CCDC3: variants seen among roughly 807,000 people sequenced by gnomAD.
The protein encoded by CCDC3 is coiled-coil domain containing 3.
In CCDC3, 24 loss-of-function variants were observed where a neutral mutation model predicts 21.4. The observed-to-expected ratio is 1.12, with a 90% CI of 0.81 to 1.58. CCDC3 has a LOEUF of 1.58. Ranked by LOEUF, CCDC3 falls within the 40% of genes most tolerant of loss-of-function variation. The pLI is 0.00. For missense variants in CCDC3, 425 were observed against 360.9 expected, an observed-to-expected ratio of 1.18 and a Z score of -1.44; for synonymous variants, 186 against 166.0, an observed-to-expected ratio of 1.12 and a Z score of -0.93.
intron 2 of CCDC3, among the ~76,000 whole-genome samples, chr10:12,949,956 C>G (rs574137093): frequency 6.6e-6 from 1 of 152,220 alleles, no homozygotes; most frequent in Non-Finnish European, 1.5e-5. Context: ...GTATCCATAT[C>G]TGTGTGCCTA....
chr10:13,001,362 T>C lies in CCDC3; in HGVS notation c.209A>G (p.Gln70Arg). Residue 70 changes from glutamine (Q) to arginine (R), a missense_variant, in exon 1 of 3, where the codon CAG becomes CGG. Physicochemically the swap from Gln to Arg is conservative, Grantham distance 43. Coordinates refer to ENST00000378825, the MANE Select transcript of CCDC3 (RefSeq NM_031455.4). ...NHLPWQYHAG[Q>R]GGLFYSAEVE... ...CTCGGCCGAGTAGAAGAGGCCCCCC[T>C]GGCCGGCGTGGTACTGCCAGGGCAG... The C allele has an allele frequency of 6.3e-7, 1 of 1,595,648 alleles. No individual in the cohort carries two copies. Among genetic ancestry groups the C allele is most frequent in the Non-Finnish European group, 8.5e-7 (1 of 1,172,358 alleles).
At chr10:13,043,582 A>G (rs2131420038) in intron 5 of CCDC3, among the ~76,000 whole-genome samples, 1 of 152,284 alleles carries the variant, frequency 6.6e-6, no homozygotes, top group South Asian at 2.1e-4. Context: ...GGACAGAGTG[A>G]GACTTTGTCT....
chr10:12,933,919 TTC>T (rs1239557551), intron 2 of CCDC3, among the ~76,000 whole-genome samples: 19 of 152,006 alleles, frequency 1.2e-4, no homozygotes, highest in East Asian at 3.9e-4. Context: ...TTTGATTATT[TTC>T]TGTTTTCACT....
At position 12,898,590 on chromosome 10, in the gene CCDC3, G is replaced by A; in HGVS notation, c.639C>T (p.Arg213=). The A allele has an allele frequency of 6.2e-7, 1 of 1,614,234 alleles. No homozygotes were observed. Among genetic ancestry groups the A allele is most frequent in the African/African-American group, 1.3e-5 (1 of 75,066 alleles). Residue 213 remains arginine, a synonymous_variant, in exon 3 of 3, where the codon CGC becomes CGT. Coordinates refer to ENST00000378825, the MANE Select transcript of CCDC3 (RefSeq NM_031455.4). The stretch of plus-strand genomic sequence containing the variant: ...TCACTCGCTCCCGGAGCTGCCGGTT[G>A]CGCTTCTCCAGGGTGGCCACTTTCT... The part of the protein sequence containing the change: ...LQQKVATLEK[R]NRQLRERVKK...
At chr10:13,023,422 T>C (rs190615178) in intron 5 of CCDC3, among the ~76,000 whole-genome samples, 11 of 152,278 alleles carry the variant, frequency 7.2e-5, no homozygotes, top group Admixed American at 7.2e-4. Flanking sequence ...GAAGGTTTTC[T>C]GGGGTTTCAG....
intron 5 of CCDC3, among the ~76,000 whole-genome samples, chr10:13,025,612 C>T (rs865921220): frequency 1.3e-5 from 2 of 152,144 alleles, no homozygotes; most frequent in East Asian, 3.8e-4. Context: ...ACCATCGAAC[C>T]TGTTTTATGT....
intron 2 of CCDC3, among the ~76,000 whole-genome samples, chr10:12,937,559 C>G (rs1315472442): frequency 3.3e-5 from 5 of 152,120 alleles, no homozygotes; most frequent in Non-Finnish European, 7.4e-5. Context: ...ACCTCCTGGG[C>G]TCAATTGATC....
At chr10:12,998,807 G>A (rs1171133001) in intron 1 of CCDC3, among the ~76,000 whole-genome samples, 3 of 152,166 alleles carry the variant, frequency 2.0e-5, no homozygotes, top group Non-Finnish European at 4.4e-5. Flanking sequence ...CCTTCTCAAA[G>A]AGTGTTCCTT....
chr10:13,025,578 A>G (rs1836204026), intron 5 of CCDC3, among the ~76,000 whole-genome samples: 1 of 152,170 alleles, frequency 6.6e-6, no homozygotes, highest in Admixed American at 6.6e-5. Context: ...ACTTTTATAA[A>G]TTTTCATTTT....
At chr10:12,984,070 ACT>A (rs1835548734) in intron 2 of CCDC3, among the ~76,000 whole-genome samples, 1 of 152,114 alleles carries the variant, frequency 6.6e-6, no homozygotes, top group Non-Finnish European at 1.5e-5. Flanking sequence ...ACAGAGCAAG[ACT>A]CTCTCAAAAA....
intron 2 of CCDC3, among the ~76,000 whole-genome samples, chr10:12,907,854 C>T (rs1298508331): frequency 6.6e-6 from 1 of 152,106 alleles, no homozygotes; most frequent in Admixed American, 6.5e-5. Flanking sequence ...AGGAAAAATC[C>T]ATTCTAGAGG....
intron 3 of CCDC3, among the ~76,000 whole-genome samples, chr10:13,075,562 C>T (rs1454245021): frequency 6.6e-6 from 1 of 151,670 alleles, no homozygotes; most frequent in Non-Finnish European, 1.5e-5. Flanking sequence ...AGGGAAGAAA[C>T]ACTAATAAAT....
chr10:13,068,655 ATATGGAAT>A, intron 4 of CCDC3, among the ~76,000 whole-genome samples: 1 of 152,238 alleles, frequency 6.6e-6, no homozygotes, highest in Middle Eastern at 3.2e-3. Flanking sequence ...GCCTACAGAC[ATATGGAAT>A]AAACCACACC....
intron 4 of CCDC3, among the ~76,000 whole-genome samples, chr10:13,055,498 T>TAA (rs3029972): frequency 0.24 from 35,918 of 149,234 alleles, 4,385 homozygotes; most frequent in Admixed American, 0.27. Context: ...CCTGGTTAAT[T>TAA]AAAAAAAAAA....
At chr10:12,983,404 C>G (rs1290503628) in intron 2 of CCDC3, among the ~76,000 whole-genome samples, 2 of 151,076 alleles carry the variant, frequency 1.3e-5, no homozygotes, top group South Asian at 4.2e-4. Context: ...GAAACCTTGT[C>G]TCTACTAAAA....
intron 2 of CCDC3, among the ~76,000 whole-genome samples, chr10:12,916,631 A>G (rs768793390): frequency 0.043 from 6,527 of 151,930 alleles, 219 homozygotes; most frequent in Middle Eastern, 0.088. Flanking sequence ...GAAAAAAAAA[A>G]AAATTGCCAG....
chr10:12,898,459 A>G lies in CCDC3; in HGVS notation c.770T>C (p.Ile257Thr), dbSNP rs1834041072. The change falls in exon 3 of 3, where the codon ATC becomes ACC. Residue 257 changes from isoleucine (I) to threonine (T), a missense_variant. Transcript: ENST00000378825. ...EKLAAGALPHINARGPVRPPY... is the reference protein window; with the variant it reads ...EKLAAGALPHTNARGPVRPPY... ...GGGGCGCACGGGCCCCCGGGCATTGATGTGCGGCAGCGCGCCCGCCGCCAG... is the reference window on the plus strand; with the variant it reads ...GGGGCGCACGGGCCCCCGGGCATTGGTGTGCGGCAGCGCGCCCGCCGCCAG... 1 of 1,611,506 alleles carries G rather than the reference A, an allele frequency of 6.2e-7. No individual in the cohort carries two copies.
intron 3 of CCDC3, among the ~76,000 whole-genome samples, chr10:13,084,287 CTTTTT>C (rs61688783): frequency 9.8e-6 from 1 of 102,212 alleles, no homozygotes; most frequent in Non-Finnish European, 2.3e-5. Context: ...CTTTTCTTTT[CTTTTT>C]TTTTTTTTTT....
At chr10:13,084,601 C>A (rs945216459) in intron 3 of CCDC3, among the ~76,000 whole-genome samples, 4 of 152,094 alleles carry the variant, frequency 2.6e-5, no homozygotes, top group Admixed American at 1.3e-4. Flanking sequence ...TTTACTTTCT[C>A]AATAAACTTG....
Sources: allele counts gnomAD v4.1 joint callset (sites outside exome capture counted in the v4.1 genomes callset), GRCh38; gene constraint gnomAD v4.1.1; transcripts MANE v1.5; gene names NCBI Gene and HGNC (gene_info 2026-07-23, HGNC 2026-07-21).